The following MSL2 variants were observed in gnomAD, a reference collection of about 807,000 sequenced individuals.
MSL2 encodes the protein MSL complex subunit 2, also known as E3 ubiquitin-protein ligase MSL2.
A neutral mutation model predicts 35.8 loss-of-function variants in MSL2; 2 were observed. The ratio of observed to expected loss-of-function variants is 0.06; its 90% CI spans 0.02 to 0.18. MSL2 has a LOEUF of 0.18. Ranked by LOEUF, MSL2 falls within the 10% of genes least tolerant of loss-of-function variation. MSL2 has a pLI of 1.00. For missense variants in MSL2, 523 were observed against 706.7 expected (o/e 0.74, Z 2.95); for synonymous variants, 296 against 255.7 (o/e 1.16, Z -1.50).
intron 1 of MSL2, among the ~76,000 whole-genome samples, chr3:136,156,266 G>A (rs1939517955): frequency 2.0e-5 from 3 of 152,038 alleles, no homozygotes; most frequent in African/African-American, 7.2e-5. Context: ...TCTCTAAAAG[G>A]AAAAAAAGCC....
chr3:136,152,194 C>A lies in MSL2; in HGVS notation c.687G>T (p.Glu229Asp), dbSNP rs1245697547. 1.1e-5 allele frequency: 17 copies of A among 1,613,972 alleles called. No individual in the cohort carries two copies. In the Admixed American group the frequency reaches 2.8e-4, roughly 27 times the overall value. ...CGGGTGGCAGGCTGTCAGACAGATC[C>A]TCAGTTTTTATGTCAACAGTATTAC... ...DVCNTVDIKTEDLSDSLPPVC... is the reference protein window; with the variant it reads ...DVCNTVDIKTDDLSDSLPPVC... Residue 229 changes from glutamate to aspartate, a missense_variant, in exon 2 of 2, where the codon GAG (glutamate) becomes GAT (aspartate). Physicochemically the swap from Glu to Asp is conservative, Grantham distance 45 (BLOSUM62 2). This residue lies in a region of MSL2 where 361 missense variants were observed against 414.6 expected (regional missense o/e 0.87). Transcript: ENST00000309993.
At chr3:136,168,101 G>A (rs1939903249) in intron 1 of MSL2, among the ~76,000 whole-genome samples, 1 of 152,062 alleles carries the variant, frequency 6.6e-6, no homozygotes, top group Admixed American at 6.6e-5. Flanking sequence ...CAAGATGGCT[G>A]GGAGTGGTGG....
At chr3:136,166,062 TAAAAAAAAAAA>T (rs34420183) in intron 1 of MSL2, among the ~76,000 whole-genome samples, 7 of 80,060 alleles carry the variant, frequency 8.7e-5, no homozygotes, top group East Asian at 1.1e-3. Flanking sequence ...TACGTACCAG[TAAAAAAAAAAA>T]AAAAAAAAAA....
At chr3:136,178,002 T>C (rs1559967866) in intron 1 of MSL2, among the ~76,000 whole-genome samples, 1 of 152,210 alleles carries the variant, frequency 6.6e-6, no homozygotes, top group Non-Finnish European at 1.5e-5. Flanking sequence ...ACATGCACTT[T>C]TGACGAATAA....
chr3:136,189,667 T>G (rs888731148), intron 1 of MSL2, among the ~76,000 whole-genome samples: 2 of 141,470 alleles, frequency 1.4e-5, no homozygotes, highest in African/African-American at 5.4e-5. Context: ...GAGCTTGCAG[T>G]GAGCCAAGAT....
Position 136,183,184 on chromosome 3 carries a change from T to C in MSL2, c.142+11788A>G, listed in dbSNP as rs151171621. On this transcript the variant is annotated intron_variant, in intron 1 of 1. Coordinates refer to ENST00000309993, the MANE Select transcript of MSL2 (RefSeq NM_018133.4). ...GAAAGAAGCAGGAAAATATAACCCA[T>C]GATGAGAAGAAAAACCAGTGCGAGC... Among the ~76,000 whole-genome samples, 203 of 151,910 alleles carry C rather than the reference T, an allele frequency of 1.3e-3. 1 individual carries two copies. The highest frequency in any genetic ancestry group is 4.5e-3 in the African/African-American group (186 of 41,448).
intron 1 of MSL2, among the ~76,000 whole-genome samples, chr3:136,156,882 AAATT>A (rs1468151587): frequency 1.3e-5 from 2 of 152,068 alleles, no homozygotes; most frequent in Non-Finnish European, 2.9e-5. Context: ...ATAAATAAAT[AAATT>A]ATGTTTCCTC....
intron 1 of MSL2, among the ~76,000 whole-genome samples, chr3:136,165,930 TGAG>T (rs1414008555): frequency 6.6e-6 from 1 of 152,010 alleles, no homozygotes; most frequent in African/African-American, 2.4e-5. Flanking sequence ...GATAAATACT[TGAG>T]GGGATTTTAC....
Position 136,152,294 on chromosome 3 carries a change from G to C in MSL2, c.587C>G (p.Thr196Ser). ...IGSSVINGLP[T>S]YNGLSIDRFG... is the part of the protein sequence containing the mutation. ...TCTATCTATTGAAAGCCCATTATAAGTAGGCAAACCATTGATAACAGAACT... is the reference window on the plus strand; with the variant it reads ...TCTATCTATTGAAAGCCCATTATAACTAGGCAAACCATTGATAACAGAACT... The change falls in exon 2 of 2, where the codon ACT becomes AGT. Residue 196 changes from threonine to serine, a missense_variant. Transcript: ENST00000309993. 1 of 1,614,010 alleles carries C rather than the reference G, an allele frequency of 6.2e-7. No homozygotes were observed. Among genetic ancestry groups the C allele is most frequent in the Non-Finnish European group, 8.5e-7 (1 of 1,179,846 alleles).
intron 1 of MSL2, among the ~76,000 whole-genome samples, chr3:136,160,900 G>A (rs947452173): frequency 5.3e-5 from 8 of 151,414 alleles, no homozygotes; most frequent in African/African-American, 1.5e-4. Context: ...GATCCTGGCC[G>A]ACACGGTGAA....
intron 1 of MSL2, among the ~76,000 whole-genome samples, chr3:136,187,307 C>T (rs1940552950): frequency 6.6e-6 from 1 of 152,128 alleles, no homozygotes. Flanking sequence ...TGTTCCCTTT[C>T]TTTTCACTCC....
intron 1 of MSL2, among the ~76,000 whole-genome samples, chr3:136,183,028 A>AAG (rs1940413178): frequency 6.6e-6 from 1 of 151,870 alleles, no homozygotes; most frequent in Non-Finnish European, 1.5e-5. Context: ...TGAAAGGATC[A>AAG]AACAGTCTCC....
chr3:136,177,657 C>T (rs1016750466), intron 1 of MSL2, among the ~76,000 whole-genome samples: 3 of 131,496 alleles, frequency 2.3e-5, no homozygotes, highest in Non-Finnish European at 3.1e-5. Flanking sequence ...CCAGCCTGGG[C>T]GACAGAGCGA....
At chr3:136,169,527 CA>C (rs1055948448) in intron 1 of MSL2, among the ~76,000 whole-genome samples, 31 of 152,082 alleles carry the variant, frequency 2.0e-4, no homozygotes, top group Non-Finnish European at 1.9e-4. Context: ...GGGCTCACTG[CA>C]ACCTCTGCCT....
Position 136,195,548 on chromosome 3 carries a change from C to T in MSL2, c.-435G>A. 1 of 999,804 alleles carries T rather than the reference C, an allele frequency of 1.0e-6. No homozygotes were observed. The highest frequency in any genetic ancestry group is 1.2e-6 in the Non-Finnish European group (1 of 839,486). The allele number at this position is 999,804 out of a possible 1,614,324, so 61.9% of individuals were successfully genotyped here. ...GCAGGCCCCGGCCCCGTCTGAGGCGCGGCACGCTTCTCCCGGGCTGCAGGG... is the reference window on the plus strand; with the variant it reads ...GCAGGCCCCGGCCCCGTCTGAGGCGTGGCACGCTTCTCCCGGGCTGCAGGG... On this transcript the variant is annotated 5_prime_UTR_variant, in exon 1 of 2. Coordinates refer to ENST00000309993, the MANE Select transcript of MSL2 (RefSeq NM_018133.4).
rs372136855 is a variant in MSL2 at position 136,184,754 on chromosome 3, G to A, written c.142+10218C>T. On this transcript the variant is annotated intron_variant, in intron 1 of 1. Coordinates refer to ENST00000309993, the MANE Select transcript of MSL2 (RefSeq NM_018133.4). The stretch of plus-strand genomic sequence containing the variant: ...ATAAAGGTTAAAAAAAAAAAAAGGG[G>A]GGGGGGGGGACAAAGGTCACGTGTG... 9.3e-3 allele frequency among the ~76,000 whole-genome samples: 1,030 copies of A among 110,868 alleles called. 44 individuals carry two copies. The highest frequency in any genetic ancestry group is 0.033 in the African/African-American group (928 of 27,926). The allele number at this position is 110,868 out of a possible 152,430, so 72.7% of individuals were successfully genotyped here. A position where few individuals can be genotyped will look rare whatever the true frequency, so the allele number is the denominator to read the frequency against.
intron 1 of MSL2, among the ~76,000 whole-genome samples, chr3:136,154,014 C>T (rs1393067495): frequency 1.3e-5 from 2 of 150,618 alleles, no homozygotes; most frequent in Admixed American, 6.6e-5. Context: ...ACCCAGGAGG[C>T]GGAGGTTGCA....
At chr3:136,184,462 G>C (rs143161710) in intron 1 of MSL2, among the ~76,000 whole-genome samples, 12 of 151,760 alleles carry the variant, frequency 7.9e-5, no homozygotes, top group African/African-American at 2.9e-4. Flanking sequence ...AATGAGCTGG[G>C]CATGATGGCA....
rs2108102874 is a variant in MSL2, at chr3:136,195,038, T to C, written c.76A>G (p.Lys26Glu). ...LVLNYDPGDP[K>E]AFTEINRLLP... ...AGCCTGTTAATCTCAGTAAACGCCT[T>C]GGGGTCTCCGGGGTCGTAGTTGAGC... is the stretch of plus-strand genomic sequence containing the variant. The change falls in exon 1 of 2, where the codon AAG becomes GAG. Residue 26 changes from lysine (K) to glutamate (E), a missense_variant. Coordinates refer to ENST00000309993, the MANE Select transcript of MSL2 (RefSeq NM_018133.4). The C allele has an allele frequency of 1.9e-6, 3 of 1,613,924 alleles. No homozygotes were observed. The highest frequency in any genetic ancestry group is 2.2e-5 in the East Asian group (1 of 44,886).
Sources: gnomAD v4.1 joint callset for allele counts (sites outside exome capture counted in the v4.1 genomes callset) on GRCh38, gnomAD v4.1.1 for gene constraint, gnomAD v4.1.1 regional missense constraint, MANE v1.5 for transcripts, NCBI Gene and HGNC (gene_info 2026-07-23, HGNC 2026-07-21) for gene names.